Variants in TMPRSS12 observed in about 807,000 individuals in gnomAD.
TMPRSS12 encodes transmembrane protease serine 12.
In TMPRSS12, 25 loss-of-function variants were observed where a neutral mutation model predicts 26.0. The ratio of observed to expected loss-of-function variants is 0.96; its 90% CI spans 0.70 to 1.34. TMPRSS12 has a LOEUF of 1.34. Ranked by LOEUF, TMPRSS12 falls within the 40% of genes most tolerant of loss-of-function variation. The pLI, the probability that TMPRSS12 is intolerant of heterozygous loss-of-function variation, is 0.00. For missense variants in TMPRSS12, 441 were observed against 440.1 expected (o/e 1.00, Z -0.02); for synonymous variants, 150 against 161.7 (o/e 0.93, Z 0.55).
intron 2 of TMPRSS12, among the ~76,000 whole-genome samples, chr12:50,847,145 G>A (rs1339470725): frequency 2.9e-5 from 4 of 139,588 alleles, no homozygotes; most frequent in South Asian, 2.3e-4. Context: ...TGCAAGCTCC[G>A]CCTCCCGGGT....
chr12:50,883,926 C>A (rs1354659152), intron 3 of TMPRSS12, among the ~76,000 whole-genome samples: 1 of 152,072 alleles, frequency 6.6e-6, no homozygotes, highest in Non-Finnish European at 1.5e-5. Context: ...TGCTTGAGCC[C>A]AGGAGTTTGA....
At position 50,852,206 on chromosome 12, in the gene TMPRSS12, G is replaced by A. The variant is rs992015568; in HGVS notation, c.384-6579G>A. ...AAATCTGCATATATCAACTTTTAAT[G>A]TAAAAAGGTTAAACACCCCATTTAT... On this transcript the variant is annotated intron_variant, in intron 2 of 4. Coordinates refer to ENST00000398458, the MANE Select transcript of TMPRSS12 (RefSeq NM_182559.3). Among the ~76,000 whole-genome samples, 12 of 152,208 alleles carry A rather than the reference G, an allele frequency of 7.9e-5. No homozygotes were observed. In the East Asian group the frequency reaches 2.3e-3, roughly 29 times the overall value.
chr12:50,855,513 C>T (rs965555923), intron 2 of TMPRSS12, among the ~76,000 whole-genome samples: 2 of 152,118 alleles, frequency 1.3e-5, no homozygotes, highest in African/African-American at 2.4e-5. Flanking sequence ...GAGATACTAT[C>T]CCACACCAGT....
intron 4 of TMPRSS12, chr12:50,885,661 A>G: frequency 1.9e-6 from 1 of 526,304 alleles, no homozygotes; most frequent in Non-Finnish European, 3.4e-6. Flanking sequence ...GTACAGCTCA[A>G]TTTTTTTTTT....
intron 3 of TMPRSS12, among the ~76,000 whole-genome samples, chr12:50,862,812 C>T (rs1937950165): frequency 6.6e-6 from 1 of 151,968 alleles, no homozygotes; most frequent in Non-Finnish European, 1.5e-5. Flanking sequence ...CAGGCGTGAG[C>T]CCCTGCACCC....
intron 2 of TMPRSS12, among the ~76,000 whole-genome samples, chr12:50,846,616 T>C (rs1799494894): frequency 6.6e-6 from 1 of 152,170 alleles, no homozygotes; most frequent in Non-Finnish European, 1.5e-5. Flanking sequence ...CCTTGCTTTG[T>C]CACCCAGGTT....
chr12:50,878,295 T>C (rs1938131378), intron 3 of TMPRSS12, among the ~76,000 whole-genome samples: 1 of 152,018 alleles, frequency 6.6e-6, no homozygotes, highest in African/African-American at 2.4e-5. Flanking sequence ...GACAGACCTG[T>C]AGAGGCTGGG....
At chr12:50,884,379 A>G (rs1938203247) in intron 3 of TMPRSS12, among the ~76,000 whole-genome samples, 1 of 152,198 alleles carries the variant, frequency 6.6e-6, no homozygotes, top group Non-Finnish European at 1.5e-5. Context: ...TGGAATTAAC[A>G]GAGTTTAGTA....
At chr12:50,843,753 A>G in intron 1 of TMPRSS12, 89 bp from the exon 2 acceptor site, 1 of 1,321,404 alleles carries the variant, frequency 7.6e-7, no homozygotes, top group Non-Finnish European at 1.0e-6. Context: ...TAACATAGGA[A>G]TTTAAAGGAT....
chr12:50,842,985 C>T lies in TMPRSS12; in HGVS notation c.21C>T (p.Ser7=). ...CCAAAATGCGGCTGGGGCTCCTGAG[C>T]GTGGCGCTGTTGTTTGTGGGGAGCT... is the stretch of plus-strand genomic sequence containing the variant. MRLGLL[S]VALLFVGSSH... is the part of the protein sequence containing the mutation. The change falls in exon 1 of 5, where the codon AGC becomes AGT. Residue 7 remains serine, a synonymous_variant. Coordinates refer to ENST00000398458, the MANE Select transcript of TMPRSS12 (RefSeq NM_182559.3). The T allele has an allele frequency of 6.3e-7, 1 of 1,595,550 alleles. No homozygotes were observed. The highest frequency in any genetic ancestry group is 1.7e-5 in the Admixed American group (1 of 57,732).
intron 3 of TMPRSS12, among the ~76,000 whole-genome samples, chr12:50,861,814 CT>C (rs59550869): frequency 2.2e-3 from 318 of 144,854 alleles, no homozygotes; most frequent in Non-Finnish European, 1.9e-3. Flanking sequence ...ATTAATATAT[CT>C]TTTTTTTTTT....
intron 2 of TMPRSS12, among the ~76,000 whole-genome samples, chr12:50,858,179 C>A (rs1937899885): frequency 6.6e-6 from 1 of 152,066 alleles, no homozygotes; most frequent in Non-Finnish European, 1.5e-5. Flanking sequence ...AAGTTAATAT[C>A]CAAATGTTTC....
intron 3 of TMPRSS12, among the ~76,000 whole-genome samples, chr12:50,881,812 A>G (rs984617902): frequency 2.7e-5 from 4 of 150,926 alleles, no homozygotes; most frequent in Admixed American, 6.6e-5. Context: ...TCCACCAAAA[A>G]TACAAAAAAT....
intron 2 of TMPRSS12, among the ~76,000 whole-genome samples, chr12:50,856,752 C>T (rs1410758285): frequency 6.6e-6 from 1 of 152,144 alleles, no homozygotes; most frequent in African/African-American, 2.4e-5. Context: ...GTGGCATAGT[C>T]ATGGCTCACT....
chr12:50,848,334 A>T (rs530603117), intron 2 of TMPRSS12: 1 of 152,170 alleles, frequency 6.6e-6, no homozygotes, highest in East Asian at 1.9e-4. Context: ...TGCCTTCCCC[A>T]CTTCCCACCC....
In TMPRSS12 at chr12:50,843,963, T is replaced by A. The variant is rs112189951; in HGVS notation, c.309T>A (p.Leu103=). 6.2e-6 allele frequency: 10 copies of A among 1,606,592 alleles called. No homozygotes were observed. The highest frequency in any genetic ancestry group is 5.3e-5 in the African/African-American group (4 of 74,872). The change falls in exon 2 of 5, where the codon CTT becomes CTA. Residue 103 remains leucine (L), a synonymous_variant. Coordinates refer to ENST00000398458, the MANE Select transcript of TMPRSS12 (RefSeq NM_182559.3). ...TGCAGATTAAATATGGCCGTGTTCT[T>A]GTTCATGTATGTGGGGGAACCCTAG... is the stretch of plus-strand genomic sequence containing the variant. ...VSLQIKYGRV[L]VHVCGGTLVR...
chr12:50,843,209 T>TA, intron 1 of TMPRSS12, 58 bp downstream of exon 1: 1 of 1,446,044 alleles, frequency 6.9e-7, no homozygotes, highest in African/African-American at 1.4e-5. Flanking sequence ...CCCACCGCTA[T>TA]AGTCTTTGAA....
Position 50,878,181 on chromosome 12 carries a change from T to C in TMPRSS12, c.653-7065T>C, listed in dbSNP as rs1305572180. Among the ~76,000 whole-genome samples the C allele has an allele frequency of 2.8e-5, 4 of 141,656 alleles. No homozygotes were observed. The South Asian group carries it at 6.9e-4, about 24-fold the overall frequency. 92.9% of individuals were successfully genotyped at this position (141,656 alleles called of 152,430 possible). On this transcript the variant is annotated intron_variant, in intron 3 of 4. Coordinates refer to ENST00000398458, the MANE Select transcript of TMPRSS12 (RefSeq NM_182559.3). Reference sequence around the variant, plus strand: ...ATATGGAAAGGCAAGGGATCTAGAATAGCCAAAATTATTTTGGGGAAAAAA... The same window carrying C: ...ATATGGAAAGGCAAGGGATCTAGAACAGCCAAAATTATTTTGGGGAAAAAA...
chr12:50,853,376 A>C (rs2139722178), intron 2 of TMPRSS12, among the ~76,000 whole-genome samples: 1 of 152,300 alleles, frequency 6.6e-6, no homozygotes, highest in Non-Finnish European at 1.5e-5. Context: ...AAAATTAGAA[A>C]GATCTCAAAC....
Sources: allele counts gnomAD v4.1 joint callset (sites outside exome capture counted in the v4.1 genomes callset), GRCh38; gene constraint gnomAD v4.1.1; transcripts MANE v1.5; gene names NCBI Gene and HGNC (gene_info 2026-07-23, HGNC 2026-07-21).